The following GRM4 variants were observed in gnomAD, a reference collection of about 807,000 sequenced individuals.
The protein encoded by GRM4 is glutamate metabotropic receptor 4, also known as metabotropic glutamate receptor 4.
A neutral mutation model predicts 81.7 loss-of-function variants in GRM4; 28 were observed. That is an observed-to-expected ratio of 0.34 (90% CI 0.25 to 0.47). The LOEUF is 0.47. Ranked by LOEUF, GRM4 falls within the 20% of genes least tolerant of loss-of-function variation. GRM4 has a pLI of 1.00. For synonymous variants in GRM4, 488 were observed against 528.8 expected (o/e 0.92, Z 1.06); for missense variants, 948 against 1,290.0 (o/e 0.73, Z 4.06).
At chr6:34,135,792 C>T (rs1165478863) in intron 1 of GRM4, among the ~76,000 whole-genome samples, 3 of 152,140 alleles carry the variant, frequency 2.0e-5, no homozygotes, top group Non-Finnish European at 4.4e-5. Flanking sequence ...AGAGAGAAAC[C>T]ATAAGAGCCA....
Position 34,080,828 on chromosome 6 carries a change from T to A in GRM4, c.736+11055A>T, listed in dbSNP as rs200096746. ...TCCACTTCTCTCTTCTCTCTCTCTC[T>A]CTCACACACACACACACATACACAC... On this transcript the variant is annotated intron_variant, in intron 3 of 10. Coordinates refer to ENST00000538487, the MANE Select transcript of GRM4 (RefSeq NM_000841.4). The surrounding 1 kb of genome is among the most constrained non-coding windows in gnomAD (Gnocchi z 5.4). 2.1e-5 allele frequency among the ~76,000 whole-genome samples: 3 copies of A among 141,660 alleles called. No homozygotes were observed. The highest frequency in any genetic ancestry group is 4.6e-5 in the Non-Finnish European group (3 of 65,030). The allele number at this position is 141,660 out of a possible 152,430, so 92.9% of individuals were successfully genotyped here.
chr6:34,143,194 A>C (rs528746244), intron 1 of GRM4, among the ~76,000 whole-genome samples: 11 of 152,196 alleles, frequency 7.2e-5, no homozygotes, highest in Non-Finnish European at 1.5e-4. Flanking sequence ...GTAAAAGGAC[A>C]GAAGTTGGAG....
At chr6:34,147,416 G>C (rs929459195), upstream of GRM4, among the ~76,000 whole-genome samples, 1 of 152,214 alleles carries the variant, frequency 6.6e-6, no homozygotes, top group Non-Finnish European at 1.5e-5. Flanking sequence ...ACTGCTCTGG[G>C]CTTGCAGGGA....
rs1554127496 is a variant in GRM4 at position 34,087,708 on chromosome 6, C to CCCA, written c.736+4174_736+4175insTGG. ...CGCACACACACACACAACCCCCCCCCCACACACACACACACAGGCCCAGTC... is the reference window on the plus strand; with the variant it reads ...CGCACACACACACACAACCCCCCCCCCCACACACACACACACACAGGCCCAGTC... On this transcript the variant is annotated intron_variant, in intron 3 of 10. Transcript: ENST00000538487. Among the ~76,000 whole-genome samples, 9 of 137,944 alleles carry CCCA rather than the reference C, an allele frequency of 6.5e-5. No individual in the cohort carries two copies. In the South Asian group the frequency reaches 7.1e-4, roughly 11 times the overall value. 90.5% of individuals were successfully genotyped at this position (137,944 alleles called of 152,430 possible). A position where few individuals can be genotyped will look rare whatever the true frequency, so the allele number is the denominator to read the frequency against.
Position 34,033,675 on chromosome 6 carries a change from TTC to T in GRM4, c.2442+1991_2442+1992del, listed in dbSNP as rs200661409. Reference sequence around the variant, plus strand: ...TCGCTCTTTCTTTCTCTCTCTTTCTTTCTCTTTCTCTCTCTCTCTCTCTTTCT... The same window carrying T: ...TCGCTCTTTCTTTCTCTCTCTTTCTTTCTTTCTCTCTCTCTCTCTCTTTCT... On this transcript the variant is annotated intron_variant, in intron 9 of 10. Coordinates refer to ENST00000538487, the MANE Select transcript of GRM4 (RefSeq NM_000841.4). 1.0e-3 allele frequency among the ~76,000 whole-genome samples: 147 copies of T among 147,378 alleles called. 2 individuals are homozygous for T. In the East Asian group the frequency reaches 0.023, roughly 23 times the overall value.
rs1284460674 is a variant in GRM4, at chr6:34,074,728, G to C, written c.737-12700C>G. Among the ~76,000 whole-genome samples, 1 of 152,236 alleles carries C rather than the reference G, an allele frequency of 6.6e-6. No individual in the cohort carries two copies. The highest frequency in any genetic ancestry group is 1.5e-5 in the Non-Finnish European group (1 of 68,034). On this transcript the variant is annotated intron_variant, in intron 3 of 10. Transcript: ENST00000538487. The surrounding 1 kb of genome is among the most constrained non-coding windows in gnomAD (Gnocchi z 4.9). Reference sequence around the variant, plus strand: ...TAATATCTCAACACAAACCCACTTAGGCAAAACACCTTTGAAGCGAGAAAG... The same window carrying C: ...TAATATCTCAACACAAACCCACTTACGCAAAACACCTTTGAAGCGAGAAAG...
intron 1 of GRM4, among the ~76,000 whole-genome samples, chr6:34,154,194 A>G (rs1030591391): frequency 2.6e-5 from 4 of 152,220 alleles, no homozygotes; most frequent in Admixed American, 2.6e-4. Flanking sequence ...AAGGAGAGGA[A>G]GATAAAGCCC....
At chr6:34,129,093 C>A (rs1770138073) in intron 2 of GRM4, among the ~76,000 whole-genome samples, 1 of 151,926 alleles carries the variant, frequency 6.6e-6, no homozygotes, top group Non-Finnish European at 1.5e-5. Flanking sequence ...CGGCTCACTG[C>A]AACCTCTGCC....
chr6:34,056,444 GA>G, intron 6 of GRM4, 99 bp downstream of exon 6: 1 of 1,108,396 alleles, frequency 9.0e-7, no homozygotes, highest in Non-Finnish European at 1.3e-6. Context: ...ACGGCCGGCC[GA>G]CGACAGACAA....
intron 2 of GRM4, among the ~76,000 whole-genome samples, chr6:34,103,244 AC>A (rs1768933163): frequency 6.6e-6 from 1 of 152,250 alleles, no homozygotes; most frequent in African/African-American, 2.4e-5. Flanking sequence ...AACCAGACAG[AC>A]GCAGGCAACA....
In GRM4 at chr6:34,042,189, C is replaced by G. The variant is rs140032171; in HGVS notation, c.1169-1441G>C. 3.2e-3 allele frequency among the ~76,000 whole-genome samples: 491 copies of G among 152,288 alleles called. 4 individuals carry two copies. Among genetic ancestry groups the G allele is most frequent in the Non-Finnish European group, 6.0e-3 (411 of 68,026 alleles). The stretch of plus-strand genomic sequence containing the variant: ...GCTGAGGCACAAGGATCACATGAAC[C>G]CGGGAGGCGGAGCTTGCAGTGAGCT... On this transcript the variant is annotated intron_variant, in intron 6 of 10. Coordinates refer to ENST00000538487, the MANE Select transcript of GRM4 (RefSeq NM_000841.4). The surrounding 1 kb of genome is among the most constrained non-coding windows in gnomAD (Gnocchi z 4.2).
In GRM4 at chr6:34,028,131, A is replaced by G. The variant is rs781066907; in HGVS notation, c.2678T>C (p.Leu893Pro). The change falls in exon 10 of 11, where the codon CTT becomes CCT. Residue 893 changes from leucine (L) to proline (P), a missense_variant. Leu to Pro is a moderately conservative substitution (Grantham distance 98). Transcript: ENST00000538487. Reference sequence around the variant, plus strand: ...GGCCAGGCACTCACCTGGGGCCTCAAGGTTCTCGCAGAGCTCAGACTTGGC... The same window carrying G: ...GGCCAGGCACTCACCTGGGGCCTCAGGGTTCTCGCAGAGCTCAGACTTGGC... ...GEAKSELCEN[L>P]EAPALATKQT... is the part of the protein sequence containing the mutation. The G allele has an allele frequency of 6.1e-5, 99 of 1,612,042 alleles. No homozygotes were observed. Among genetic ancestry groups the G allele is most frequent in the Non-Finnish European group, 8.1e-5 (96 of 1,178,954 alleles).
At chr6:34,096,068 G>A (rs529310793) in intron 2 of GRM4, among the ~76,000 whole-genome samples, 8 of 152,250 alleles carry the variant, frequency 5.3e-5, no homozygotes, top group Admixed American at 2.0e-4. Context: ...GCCCGCCCTG[G>A]TGCCAGCTGC....
chr6:34,023,049 C>T (rs955044652), intron 10 of GRM4, among the ~76,000 whole-genome samples, 179 bp from the exon 11 acceptor site: 1 of 152,254 alleles, frequency 6.6e-6, no homozygotes, highest in African/African-American at 2.4e-5. Context: ...CTGGCCCACC[C>T]GGTTGCTTCT....
At chr6:34,073,633 C>G (rs1210724794) in intron 3 of GRM4, among the ~76,000 whole-genome samples, 1 of 152,086 alleles carries the variant, frequency 6.6e-6, no homozygotes, top group East Asian at 1.9e-4. Flanking sequence ...CGGTGCCCAC[C>G]GTGAAGCATC....
chr6:34,104,944 A>G (rs983896538), intron 2 of GRM4, among the ~76,000 whole-genome samples: 3 of 152,132 alleles, frequency 2.0e-5, no homozygotes, highest in African/African-American at 7.2e-5. Flanking sequence ...ACCTCAGTGT[A>G]GCGTCTGGGG....
intron 3 of GRM4, among the ~76,000 whole-genome samples, chr6:34,083,157 G>A (rs1581671339): frequency 1.3e-5 from 2 of 152,264 alleles, no homozygotes; most frequent in South Asian, 2.1e-4. Context: ...GAATGCAGAC[G>A]GGAGCATGTC....
At chr6:34,110,938 T>C in intron 2 of GRM4, 2 of 970,628 alleles carry the variant, frequency 2.1e-6, no homozygotes, top group African/African-American at 1.7e-5. Context: ...GAACAGCCTC[T>C]CTCCAGGGGA....
At chr6:34,044,619 CAT>C (rs1277608332) in intron 6 of GRM4, among the ~76,000 whole-genome samples, 5 of 133,404 alleles carry the variant, frequency 3.7e-5, no homozygotes, top group East Asian at 2.2e-4. Context: ...CATACATACA[CAT>C]ATATACACGC....
Sources: allele counts gnomAD v4.1 joint callset (sites outside exome capture counted in the v4.1 genomes callset), GRCh38; gene constraint gnomAD v4.1.1; non-coding constraint Gnocchi (gnomAD v3.1); transcripts MANE v1.5; gene names NCBI Gene and HGNC (gene_info 2026-07-23, HGNC 2026-07-21).